The following GSG1L variants were observed in gnomAD, a reference collection of about 807,000 sequenced individuals.
GSG1L encodes GSG1 like, also known as germ cell-specific gene 1-like protein.
GSG1L carries 24 observed loss-of-function variants against 42.1 expected under a neutral mutation model. The ratio of observed to expected loss-of-function variants is 0.57; its 90% confidence interval spans 0.41 to 0.80. The LOEUF (loss-of-function observed/expected upper bound fraction) is 0.80, where lower values mean the gene tolerates loss of function less well. GSG1L is among the 30% of genes least tolerant of loss of function. The pLI is 0.00. For synonymous variants in GSG1L, 215 were observed against 203.5 expected, an observed-to-expected ratio of 1.06 and a Z score of -0.48; for missense variants, 445 against 472.2, an observed-to-expected ratio of 0.94 and a Z score of 0.53.
At chr16:27,966,038 C>T (rs953869662) in intron 1 of GSG1L, among the ~76,000 whole-genome samples, 3 of 152,192 alleles carry the variant, frequency 2.0e-5, no homozygotes, top group Non-Finnish European at 4.4e-5. Flanking sequence ...AATCTTTAAA[C>T]GTGCCGGGCA....
intron 3 of GSG1L, chr16:27,850,571 G>C (rs1257147866): frequency 2.2e-6 from 1 of 455,952 alleles, no homozygotes; most frequent in East Asian, 7.0e-5. Flanking sequence ...AGCAAAGAAA[G>C]CTGAGGCAGA....
intron 2 of GSG1L, among the ~76,000 whole-genome samples, chr16:27,928,517 G>C (rs62033484): frequency 0.01 from 1,567 of 150,850 alleles, 20 homozygotes; most frequent in East Asian, 9.6e-3. Flanking sequence ...GAAAAGAAAA[G>C]AAAACAAAAC....
chr16:27,828,876 A>T lies in GSG1L; in HGVS notation c.743T>A (p.Phe248Tyr). 1 of 1,614,158 alleles carries T rather than the reference A, an allele frequency of 6.2e-7. No homozygotes were observed. Among genetic ancestry groups the T allele is most frequent in the Non-Finnish European group, 8.5e-7 (1 of 1,180,028 alleles). ...LNSYTKTVIE[F>Y]RHKRKVFEQG... ...CTCAAAGACCTTGCGCTTGTGCCGG[A>T]ACTCAATGACCGTCTTGGTGTAGGA... Residue 248 changes from phenylalanine (F) to tyrosine (Y), a missense_variant, in exon 5 of 7, where the codon TTC becomes TAC. By Grantham distance (22) the Phe-to-Tyr change is conservative (BLOSUM62 3). This residue lies in a region of GSG1L where 140 missense variants were observed against 120.6 expected (regional missense o/e 1.16). Coordinates refer to ENST00000447459, the MANE Select transcript of GSG1L (RefSeq NM_001109763.2).
intron 2 of GSG1L, among the ~76,000 whole-genome samples, chr16:27,909,841 T>C (rs929694291): frequency 1.3e-5 from 2 of 151,810 alleles, no homozygotes; most frequent in African/African-American, 2.4e-5. Context: ...CACTTCTGAT[T>C]CTCTAAAGAG....
intron 2 of GSG1L, among the ~76,000 whole-genome samples, chr16:27,936,347 T>G (rs2084717937): frequency 6.6e-6 from 1 of 152,254 alleles, no homozygotes; most frequent in Non-Finnish European, 1.5e-5. Flanking sequence ...GGGGGAGGAC[T>G]CCTCATGAAT....
chr16:27,907,226 C>A (rs1004274529), intron 2 of GSG1L, among the ~76,000 whole-genome samples: 2 of 152,174 alleles, frequency 1.3e-5, no homozygotes, highest in Non-Finnish European at 2.9e-5. Context: ...CCAGTACAGA[C>A]CCCCTCAGAA....
At chr16:27,920,233 G>C (rs924676420) in intron 2 of GSG1L, among the ~76,000 whole-genome samples, 1 of 119,240 alleles carries the variant, frequency 8.4e-6, no homozygotes, top group East Asian at 2.0e-4. Flanking sequence ...TGTGGGCGAA[G>C]GTGGTGAGGA....
intron 4 of GSG1L, among the ~76,000 whole-genome samples, chr16:27,841,719 A>G (rs1271460704): frequency 3.9e-5 from 6 of 152,206 alleles, no homozygotes; most frequent in Admixed American, 2.0e-4. Context: ...TAGGGGCTGC[A>G]CATTGGGCCC....
intron 2 of GSG1L, among the ~76,000 whole-genome samples, chr16:27,927,691 C>A (rs1453040076): frequency 6.6e-6 from 1 of 152,212 alleles, no homozygotes; most frequent in East Asian, 1.9e-4. Context: ...CACCCAGCCA[C>A]CTCCTCCAGG....
chr16:27,939,808 C>G (rs1567526842), intron 2 of GSG1L, among the ~76,000 whole-genome samples: 1 of 152,144 alleles, frequency 6.6e-6, no homozygotes. Flanking sequence ...TTCCCTCATG[C>G]ATGCCACCAT....
intron 1 of GSG1L, among the ~76,000 whole-genome samples, chr16:28,000,049 T>C (rs988766936): frequency 5.3e-5 from 8 of 152,332 alleles, no homozygotes; most frequent in African/African-American, 1.7e-4. Flanking sequence ...TTCAGAGGAA[T>C]GGAGACACGG....
intron 2 of GSG1L, among the ~76,000 whole-genome samples, chr16:27,888,667 G>C (rs1458732915): frequency 1.3e-5 from 2 of 150,576 alleles, no homozygotes; most frequent in Non-Finnish European, 1.5e-5. Context: ...ACCCAGGCTG[G>C]AGTGCAGTGG....
chr16:27,979,666 AG>A (rs2085294337), intron 1 of GSG1L, among the ~76,000 whole-genome samples: 1 of 92,170 alleles, frequency 1.1e-5, no homozygotes, highest in African/African-American at 4.8e-5. Flanking sequence ...AAAGAAAGAG[AG>A]AGAGAGAGAG....
At chr16:27,837,853 C>T (rs1203698843) in intron 4 of GSG1L, among the ~76,000 whole-genome samples, 5 of 141,128 alleles carry the variant, frequency 3.5e-5, no homozygotes, top group Admixed American at 7.1e-5. Context: ...TTAGTTGGGC[C>T]TTTTTTTTTT....
At chr16:27,904,727 A>G (rs1008895217) in intron 2 of GSG1L, among the ~76,000 whole-genome samples, 1 of 152,048 alleles carries the variant, frequency 6.6e-6, no homozygotes, top group Non-Finnish European at 1.5e-5. Context: ...GCCTTTGCAC[A>G]TGCTTTCCCC....
At chr16:28,050,226 C>G (rs2086207015) in intron 1 of GSG1L, among the ~76,000 whole-genome samples, 1 of 152,126 alleles carries the variant, frequency 6.6e-6, no homozygotes, top group Non-Finnish European at 1.5e-5. Flanking sequence ...GCCACCCAGC[C>G]TGGAGTGCAG....
chr16:27,824,521 T>G (rs1051255828), intron 5 of GSG1L, among the ~76,000 whole-genome samples: 4 of 147,830 alleles, frequency 2.7e-5, no homozygotes, highest in Admixed American at 1.4e-4. Flanking sequence ...ATCTATGTGC[T>G]CTGAGCTCTT....
chr16:27,979,665 G>GAA (rs1567542786), intron 1 of GSG1L, among the ~76,000 whole-genome samples: 18 of 37,472 alleles, frequency 4.8e-4, no homozygotes, highest in Non-Finnish European at 6.6e-4. Flanking sequence ...GAAAGAAAGA[G>GAA]AGAGAGAGAG....
chr16:27,928,847 TAG>T (rs1567522390), intron 2 of GSG1L, among the ~76,000 whole-genome samples: 1 of 152,232 alleles, frequency 6.6e-6, no homozygotes, highest in Non-Finnish European at 1.5e-5. Flanking sequence ...CTAAGGGGCT[TAG>T]AGTCTGGCTA....
Sources: allele counts gnomAD v4.1 joint callset (sites outside exome capture counted in the v4.1 genomes callset), GRCh38; gene constraint gnomAD v4.1.1; regional missense constraint gnomAD v4.1.1; transcripts MANE v1.5; gene names NCBI Gene and HGNC (gene_info 2026-07-23, HGNC 2026-07-21).